ATP11A: variants seen among roughly 807,000 people sequenced by gnomAD.
ATP11A encodes the protein ATPase phospholipid transporting 11A.
In ATP11A, 81 loss-of-function variants were observed where a neutral mutation model predicts 154.4. That is an observed-to-expected ratio of 0.52 (90% CI 0.44 to 0.63). ATP11A has a LOEUF of 0.63. ATP11A is among the 30% of genes least tolerant of loss of function. The pLI is 0.00. For missense variants in ATP11A, 1,316 were observed against 1,474.3 expected, an observed-to-expected ratio of 0.89 and a Z score of 1.76; for synonymous variants, 623 against 585.9, an observed-to-expected ratio of 1.06 and a Z score of -0.91.
rs60124421 is a variant in ATP11A, at chr13:112,705,933, C to A, written c.39+15478C>A. Among the ~76,000 whole-genome samples the A allele has an allele frequency of 7.9e-3, 1,206 of 152,278 alleles. 37 individuals carry two copies. Among genetic ancestry groups the A allele is most frequent in the East Asian group, 0.076 (392 of 5,180 alleles). On this transcript the variant is annotated intron_variant, in intron 1 of 29. Transcript: ENST00000375645. ...ACCATCTTGTCCATTGTGAAGCGTA[C>A]AGTTCCATGGCGTTAAATACACTCA...
At chr13:112,694,963 T>G (rs532943328) in intron 1 of ATP11A, among the ~76,000 whole-genome samples, 2 of 152,354 alleles carry the variant, frequency 1.3e-5, no homozygotes, top group South Asian at 2.1e-4. Flanking sequence ...CATATCTGCT[T>G]CTTTTATTTA....
At chr13:112,757,391 CTCTT>C (rs1206947681) in intron 1 of ATP11A, among the ~76,000 whole-genome samples, 1 of 152,270 alleles carries the variant, frequency 6.6e-6, no homozygotes, top group Non-Finnish European at 1.5e-5. Flanking sequence ...TTTTCCGAGT[CTCTT>C]AGTGTCATCA....
At chr13:112,716,409 G>T (rs1888466529) in intron 1 of ATP11A, among the ~76,000 whole-genome samples, 1 of 152,060 alleles carries the variant, frequency 6.6e-6, no homozygotes, top group African/African-American at 2.4e-5. Context: ...ACGTGGCCCA[G>T]ACACTCAGAA....
intron 12 of ATP11A, among the ~76,000 whole-genome samples, chr13:112,827,980 C>G (rs967429270): frequency 1.3e-5 from 2 of 152,280 alleles, no homozygotes; most frequent in Non-Finnish European, 2.9e-5. Context: ...TAGGAATATT[C>G]TATCTCCTTT....
At chr13:112,778,779 C>T (rs1457738744) in intron 1 of ATP11A, among the ~76,000 whole-genome samples, 11 of 120,392 alleles carry the variant, frequency 9.1e-5, no homozygotes, top group Non-Finnish European at 1.3e-4. Context: ...AGTGAGTAGC[C>T]GCTGGAGTGA....
At chr13:112,751,206 A>G (rs4907757) in intron 1 of ATP11A, among the ~76,000 whole-genome samples, 1,677 of 152,286 alleles carry the variant, frequency 0.011, 31 homozygotes, top group African/African-American at 0.035. Flanking sequence ...AGGTGGAGCT[A>G]CTGTGTCGAA....
At chr13:112,855,378 A>C (rs2079892185) in intron 19 of ATP11A, among the ~76,000 whole-genome samples, 1 of 152,162 alleles carries the variant, frequency 6.6e-6, no homozygotes, top group African/African-American at 2.4e-5. Context: ...GGGTTTCACC[A>C]TGTTGGCCAG....
chr13:112,812,999 T>G (rs1042741084), intron 5 of ATP11A, among the ~76,000 whole-genome samples: 1 of 152,182 alleles, frequency 6.6e-6, no homozygotes, highest in African/African-American at 2.4e-5. Context: ...CCACAGAAAA[T>G]TGAATTTTTA....
chr13:112,779,430 G>T (rs1486639821), intron 1 of ATP11A, among the ~76,000 whole-genome samples: 1 of 151,152 alleles, frequency 6.6e-6, no homozygotes, highest in East Asian at 1.9e-4. Flanking sequence ...TGTAGCCGCT[G>T]GAGTGAGGAG....
chr13:112,795,202 G>A (rs1344222015), intron 2 of ATP11A, among the ~76,000 whole-genome samples: 1 of 152,174 alleles, frequency 6.6e-6, no homozygotes, highest in African/African-American at 2.4e-5. Context: ...CCGAGATGGC[G>A]CCACTGCACT....
chr13:112,718,671 CT>C (rs35646090), intron 1 of ATP11A, among the ~76,000 whole-genome samples: 24 of 134,620 alleles, frequency 1.8e-4, no homozygotes, highest in Middle Eastern at 3.9e-3. Flanking sequence ...GCAGGCTGCA[CT>C]TTTTTTTTTT....
chr13:112,769,133 GCTC>G (rs2077166923), intron 1 of ATP11A, among the ~76,000 whole-genome samples: 2 of 152,168 alleles, frequency 1.3e-5, no homozygotes, highest in South Asian at 4.1e-4. Context: ...CTGCCCCCCG[GCTC>G]CTCCTTCCAG....
chr13:112,883,047 C>T lies in ATP11A; in HGVS notation c.*1181C>T. 2 of 398,054 alleles carry T rather than the reference C, an allele frequency of 5.0e-6. No homozygotes were observed. The highest frequency in any genetic ancestry group is 1.3e-4 in the South Asian group (1 of 7,922). The allele number at this position is 398,054 out of a possible 1,614,324, so 24.7% of individuals were successfully genotyped here. A position where few individuals can be genotyped will look rare whatever the true frequency, so the allele number is the denominator to read the frequency against. ...CGTCCCCTCATCCCGTCACCTCGTC[C>T]CCACATCCCCTTGCCCCGTCACCTC... On this transcript the variant is annotated 3_prime_UTR_variant, in exon 30 of 30. Transcript: ENST00000375645.
intron 1 of ATP11A, among the ~76,000 whole-genome samples, chr13:112,759,614 T>C (rs2076920034): frequency 6.6e-6 from 1 of 152,234 alleles, no homozygotes; most frequent in Non-Finnish European, 1.5e-5. Context: ...CATTTATTGA[T>C]GCAGAAATTG....
chr13:112,811,030 G>C (rs560029966), intron 5 of ATP11A, among the ~76,000 whole-genome samples: 3 of 149,396 alleles, frequency 2.0e-5, no homozygotes, highest in Non-Finnish European at 4.4e-5. Flanking sequence ...TTTTTATTGG[G>C]TGTAGGCCCA....
intron 1 of ATP11A, among the ~76,000 whole-genome samples, chr13:112,706,802 A>C (rs1428935204): frequency 6.6e-6 from 1 of 152,162 alleles, no homozygotes; most frequent in Non-Finnish European, 1.5e-5. Context: ...GGTTGGTGCA[A>C]ATGTATTTGC....
In ATP11A at chr13:112,882,832, C is replaced by T; in HGVS notation, c.*966C>T. On this transcript the variant is annotated 3_prime_UTR_variant, in exon 30 of 30. Coordinates refer to ENST00000375645, the MANE Select transcript of ATP11A (RefSeq NM_015205.3). This position sits in a 1 kb window ranked among gnomAD's most constrained non-coding sequence, Gnocchi z 5.1. ...CAGATACTTGGCTGTGATGAGCAGA[C>T]ATCCTCTGTCCCCGTGGAGGGGTCA... The T allele has an allele frequency of 2.5e-6, 1 of 399,214 alleles. No individual in the cohort carries two copies. Among genetic ancestry groups the T allele is most frequent in the Non-Finnish European group, 4.4e-6 (1 of 226,572 alleles). 24.7% of individuals were successfully genotyped at this position (399,214 alleles called of 1,614,324 possible). A position where few individuals can be genotyped will look rare whatever the true frequency, so the allele number is the denominator to read the frequency against.
intron 1 of ATP11A, among the ~76,000 whole-genome samples, chr13:112,704,834 T>C (rs1234169032): frequency 6.6e-6 from 1 of 152,232 alleles, no homozygotes; most frequent in Non-Finnish European, 1.5e-5. Context: ...GACAATGAGG[T>C]CCTGCCAGTA....
chr13:112,713,676 C>T (rs747916098), intron 1 of ATP11A, among the ~76,000 whole-genome samples: 3 of 152,144 alleles, frequency 2.0e-5, no homozygotes, highest in African/African-American at 4.8e-5. Context: ...ACATTTCACT[C>T]GCGGTTTAAT....
Sources: allele counts gnomAD v4.1 joint callset (sites outside exome capture counted in the v4.1 genomes callset), GRCh38; gene constraint gnomAD v4.1.1; non-coding constraint Gnocchi (gnomAD v3.1); transcripts MANE v1.5; gene names NCBI Gene and HGNC (gene_info 2026-07-23, HGNC 2026-07-21).